GRB10: variants seen among roughly 807,000 people sequenced by gnomAD.
GRB10 encodes growth factor receptor bound protein 10.
In GRB10, 20 loss-of-function variants were observed where a neutral mutation model predicts 80.9. The observed-to-expected ratio is 0.25, with a 90% CI of 0.17 to 0.36. GRB10 has a LOEUF of 0.36. Ranked by LOEUF, GRB10 falls within the 10% of genes least tolerant of loss-of-function variation. The probability of loss-of-function intolerance (pLI) is 1.00; values close to 1 mark genes in which losing one functional copy is unlikely to be tolerated. For synonymous variants in GRB10, 291 were observed against 291.5 expected (o/e 1.00, Z 0.02); for missense variants, 548 against 747.7 (o/e 0.73, Z 3.12).
intron 2 of GRB10, 72 bp from the exon 3 acceptor site, chr7:50,756,128 G>A (rs1015740067): frequency 2.5e-6 from 1 of 398,330 alleles, no homozygotes; most frequent in Non-Finnish European, 4.4e-6. Flanking sequence ...CTGAGCCCAG[G>A]AATAAAACTT....
At chr7:50,788,258 T>C (rs2078775162) in intron 1 of GRB10, among the ~76,000 whole-genome samples, 1 of 152,090 alleles carries the variant, frequency 6.6e-6, no homozygotes, top group African/African-American at 2.4e-5. Context: ...ATCAAATAAG[T>C]AAACTAAAGG....
At chr7:50,754,204 G>A (rs2074660758) in intron 3 of GRB10, among the ~76,000 whole-genome samples, 1 of 152,232 alleles carries the variant, frequency 6.6e-6, no homozygotes, top group Non-Finnish European at 1.5e-5. Flanking sequence ...CAAGAGGCAA[G>A]ACGAGGGACC....
chr7:50,721,136 G>A (rs143662789), intron 4 of GRB10, among the ~76,000 whole-genome samples: 1 of 152,344 alleles, frequency 6.6e-6, no homozygotes, highest in Admixed American at 6.5e-5. Context: ...AAACTTTCCT[G>A]GAGAATACAG....
chr7:50,599,404 C>A lies in GRB10; in HGVS notation c.1545-3874G>T, dbSNP rs76464421. Among the ~76,000 whole-genome samples, 962 of 152,290 alleles carry A rather than the reference C, an allele frequency of 6.3e-3. 7 individuals are homozygous for A. The highest frequency in any genetic ancestry group is 0.022 in the African/African-American group (911 of 41,548). ...AACTGGCTTGCCTTCATCATCTCTG[C>A]AGGGATCAGTAAAGATTAGAAATGG... On this transcript the variant is annotated intron_variant, in intron 17 of 18. Coordinates refer to ENST00000401949, the MANE Select transcript of GRB10 (RefSeq NM_001350814.2).
chr7:50,605,201 G>T (rs1043572822), intron 15 of GRB10, 89 bp downstream of exon 15: 3 of 990,608 alleles, frequency 3.0e-6, no homozygotes, highest in Non-Finnish European at 4.8e-6. Context: ...TTGCCAACCC[G>T]CATAGAGCTG....
At chr7:50,735,679 C>A (rs756879287) in intron 3 of GRB10, among the ~76,000 whole-genome samples, 5 of 152,044 alleles carry the variant, frequency 3.3e-5, no homozygotes, top group Non-Finnish European at 2.9e-5. Flanking sequence ...TGGTCAAACT[C>A]ATTAAAACTA....
chr7:50,759,054 G>A (rs1002502181), intron 2 of GRB10, among the ~76,000 whole-genome samples: 2 of 151,994 alleles, frequency 1.3e-5, no homozygotes, highest in Admixed American at 6.6e-5. Context: ...TTAGCTGGGT[G>A]TGGTGGTGGG....
chr7:50,662,495 G>T (rs73116810), intron 7 of GRB10, among the ~76,000 whole-genome samples: 59,656 of 151,774 alleles, frequency 0.39, 12,499 homozygotes, highest in East Asian at 0.55. Context: ...GGCAGGAGGG[G>T]GGACAGACTC....
At chr7:50,676,849 C>G (rs2061012739) in intron 5 of GRB10, among the ~76,000 whole-genome samples, 1 of 152,070 alleles carries the variant, frequency 6.6e-6, no homozygotes, top group Non-Finnish European at 1.5e-5. Flanking sequence ...TTAGCCAGAT[C>G]ACGCTCAAGA....
chr7:50,670,307 G>A (rs2060228341), intron 6 of GRB10, among the ~76,000 whole-genome samples: 1 of 152,102 alleles, frequency 6.6e-6, no homozygotes, highest in Admixed American at 6.5e-5. Flanking sequence ...GTTTATTGGG[G>A]ACAGAGTTTC....
intron 1 of GRB10, chr7:50,792,983 C>T (rs1051307979): frequency 2.8e-5 from 4 of 145,300 alleles, no homozygotes; most frequent in Admixed American, 6.8e-5. Context: ...GCCTCCGCCG[C>T]GCGCCCGCAG....
intron 4 of GRB10, among the ~76,000 whole-genome samples, chr7:50,719,657 G>A (rs975221385): frequency 2.6e-5 from 4 of 151,720 alleles, no homozygotes; most frequent in East Asian, 3.9e-4. Context: ...AAACCTGCAC[G>A]TTCTGCACAT....
chr7:50,722,250 C>A (rs2067877617), intron 4 of GRB10, among the ~76,000 whole-genome samples: 1 of 152,164 alleles, frequency 6.6e-6, no homozygotes, highest in Non-Finnish European at 1.5e-5. Flanking sequence ...AGGCCAAGGA[C>A]TGGCCATAAA....
intron 2 of GRB10, among the ~76,000 whole-genome samples, chr7:50,768,701 A>G (rs1201286065): frequency 6.6e-6 from 1 of 152,208 alleles, no homozygotes; most frequent in Non-Finnish European, 1.5e-5. Flanking sequence ...TCTCAACAGA[A>G]GCAGCTTGTG....
chr7:50,720,579 A>G (rs2067567213), intron 4 of GRB10, among the ~76,000 whole-genome samples: 1 of 152,192 alleles, frequency 6.6e-6, no homozygotes, highest in African/African-American at 2.4e-5. Flanking sequence ...AACCCCAAGG[A>G]AAAATAACAG....
At chr7:50,696,295 C>A (rs11771190) in intron 5 of GRB10, among the ~76,000 whole-genome samples, 54 of 152,314 alleles carry the variant, frequency 3.5e-4, no homozygotes, top group Admixed American at 9.8e-4. Flanking sequence ...TTCGCACTCA[C>A]CAGCAAGAGT....
intron 3 of GRB10, among the ~76,000 whole-genome samples, chr7:50,748,029 A>C (rs2073309611): frequency 6.6e-6 from 1 of 152,192 alleles, no homozygotes. Context: ...TCTAGAAGGC[A>C]GGACGCATGC....
At position 50,592,801 on chromosome 7, in the gene GRB10, C is replaced by G; in HGVS notation, c.*151G>C. 2.2e-6 allele frequency: 2 copies of G among 911,524 alleles called. No individual in the cohort carries two copies. The highest frequency in any genetic ancestry group is 2.9e-5 in the South Asian group (2 of 68,704). The allele number at this position is 911,524 out of a possible 1,614,324, so 56.5% of individuals were successfully genotyped here. A position where few individuals can be genotyped will look rare whatever the true frequency, so the allele number is the denominator to read the frequency against. On this transcript the variant is annotated 3_prime_UTR_variant, in exon 19 of 19. Coordinates refer to ENST00000401949, the MANE Select transcript of GRB10 (RefSeq NM_001350814.2). Reference sequence around the variant, plus strand: ...CAAATCGTCGTTTAAGTCCAACAAACTAGTCAATCTTGGTCGGCTGGCACC... The same window carrying G: ...CAAATCGTCGTTTAAGTCCAACAAAGTAGTCAATCTTGGTCGGCTGGCACC...
chr7:50,640,511 G>A (rs867104846), intron 7 of GRB10, among the ~76,000 whole-genome samples: 2 of 152,334 alleles, frequency 1.3e-5, no homozygotes, highest in South Asian at 4.1e-4. Flanking sequence ...TTTAGAAGGT[G>A]CTGAACTTCA....
Sources: gnomAD v4.1 joint callset for allele counts (sites outside exome capture counted in the v4.1 genomes callset) on GRCh38, gnomAD v4.1.1 for gene constraint, MANE v1.5 for transcripts, NCBI Gene and HGNC (gene_info 2026-07-23, HGNC 2026-07-21) for gene names.